Variants in EPDR1 observed in about 807,000 individuals in gnomAD.
EPDR1 encodes the protein mammalian ependymin-related protein 1.
A neutral mutation model predicts 23.7 loss-of-function variants in EPDR1; 27 were observed. The observed-to-expected ratio is 1.14, with a 90% CI of 0.84 to 1.57. The LOEUF (loss-of-function observed/expected upper bound fraction) is 1.57. EPDR1 is among the 40% of genes most tolerant of loss of function. The pLI is 0.00. For missense variants in EPDR1, 349 were observed against 290.4 expected, an observed-to-expected ratio of 1.20 and a Z score of -1.47; for synonymous variants, 137 against 118.2, an observed-to-expected ratio of 1.16 and a Z score of -1.03.
intron 1 of EPDR1, among the ~76,000 whole-genome samples, chr7:37,926,463 G>C (rs1182907730): frequency 3.3e-5 from 3 of 92,226 alleles, no homozygotes; most frequent in Non-Finnish European, 6.0e-5. Context: ...GTTGTTCTTT[G>C]TATGTTCTTC....
In EPDR1 at chr7:37,920,695, G is replaced by T; in HGVS notation, c.-245G>T. Reference sequence around the variant, plus strand: ...CAGCAGGCAGTGGCAGCAGGCAGTGGCCCAGGCAGAAATAGCTCCCGCGCG... The same window carrying T: ...CAGCAGGCAGTGGCAGCAGGCAGTGTCCCAGGCAGAAATAGCTCCCGCGCG... On this transcript the variant is annotated 5_prime_UTR_variant, in exon 1 of 3. Transcript: ENST00000199448. The T allele has an allele frequency of 6.3e-7, 1 of 1,575,698 alleles. No individual in the cohort carries two copies. The highest frequency in any genetic ancestry group is 2.3e-5 in the East Asian group (1 of 43,526).
intron 1 of EPDR1, among the ~76,000 whole-genome samples, chr7:37,932,966 T>C (rs1456982939): frequency 6.6e-6 from 1 of 152,244 alleles, no homozygotes; most frequent in Non-Finnish European, 1.5e-5. Flanking sequence ...ACCTTACAGC[T>C]TCTTAAATGG....
intron 1 of EPDR1, among the ~76,000 whole-genome samples, chr7:37,926,980 T>C (rs1241688122): frequency 6.6e-6 from 1 of 152,202 alleles, no homozygotes; most frequent in Non-Finnish European, 1.5e-5. Flanking sequence ...AGTGGAAGCC[T>C]CTTCAAATTG....
chr7:37,950,467 C>T lies in EPDR1; in HGVS notation c.*71C>T, dbSNP rs1786380447. On this transcript the variant is annotated 3_prime_UTR_variant, in exon 3 of 3. Transcript: ENST00000199448. ...GCCCCAGCTGGAGATGGATATGAGA[C>T]TAGTCAAGATGTGAATGCTAATTGG... is the stretch of plus-strand genomic sequence containing the variant. 7.4e-7 allele frequency: 1 copy of T among 1,345,426 alleles called. No individual in the cohort carries two copies. The highest frequency in any genetic ancestry group is 2.5e-5 in the Admixed American group (1 of 40,536). The allele number at this position is 1,345,426 out of a possible 1,614,324, so 83.3% of individuals were successfully genotyped here.
At position 37,920,800 on chromosome 7, in the gene EPDR1, C is replaced by A; in HGVS notation, c.-140C>A. 3 of 1,610,222 alleles carry A rather than the reference C, an allele frequency of 1.9e-6. No homozygotes were observed. The highest frequency in any genetic ancestry group is 2.5e-6 in the Non-Finnish European group (3 of 1,178,164). On this transcript the variant is annotated 5_prime_UTR_variant, in exon 1 of 3. Transcript: ENST00000199448. ...GGATCTCAAAAGCGGCAGAGGCCACCGAAGGGACAGGAAGCACTTTGGTCC... is the reference window on the plus strand; with the variant it reads ...GGATCTCAAAAGCGGCAGAGGCCACAGAAGGGACAGGAAGCACTTTGGTCC...
In EPDR1 at chr7:37,949,010, C is replaced by G. The variant is rs1188853888; in HGVS notation, c.440C>G (p.Thr147Ser). 1 of 1,614,150 alleles carries G rather than the reference C, an allele frequency of 6.2e-7. No individual in the cohort carries two copies. Among genetic ancestry groups the G allele is most frequent in the Non-Finnish European group, 8.5e-7 (1 of 1,180,018 alleles). The change falls in exon 2 of 3, where the codon ACC (threonine) becomes AGC (serine). Residue 147 changes from threonine (T) to serine (S), a missense_variant. Transcript: ENST00000199448. ...ATCGGGGGGCCTCAGGAGCAGATCA[C>G]CGTCCAGGAGTGGTCGGACAGAAAG... ...YSIGGPQEQI[T>S]VQEWSDRKSA...
intron 1 of EPDR1, among the ~76,000 whole-genome samples, chr7:37,923,123 G>A (rs1785743450): frequency 6.6e-6 from 1 of 152,166 alleles, no homozygotes; most frequent in Non-Finnish European, 1.5e-5. Flanking sequence ...TTTAAACAGT[G>A]GAATTTGTGA....
At chr7:37,943,074 G>C (rs1189803565) in intron 1 of EPDR1, among the ~76,000 whole-genome samples, 1 of 152,194 alleles carries the variant, frequency 6.6e-6, no homozygotes, top group African/African-American at 2.4e-5. Flanking sequence ...CTGAGGCTCA[G>C]CAGCAGCAGG....
Position 37,948,986 on chromosome 7 carries a change from T to C in EPDR1, c.416T>C (p.Ile139Thr), listed in dbSNP as rs145911941. ...TCCACCTTTGAAGACCAGTACTCCA[T>C]CGGGGGGCCTCAGGAGCAGATCACC... Reference protein sequence around the residue: ...QNSTFEDQYSIGGPQEQITVQ... With the variant: ...QNSTFEDQYSTGGPQEQITVQ... Residue 139 changes from isoleucine (I) to threonine (T), a missense_variant, in exon 2 of 3, where the codon ATC becomes ACC. Physicochemically the swap from Ile to Thr is moderately conservative, Grantham distance 89. Transcript: ENST00000199448. 109 of 1,613,932 alleles carry C rather than the reference T, an allele frequency of 6.8e-5. No homozygotes were observed. Among genetic ancestry groups the C allele is most frequent in the East Asian group, 8.9e-5 (4 of 44,892 alleles).
At chr7:37,932,439 G>A (rs1269346827) in intron 1 of EPDR1, among the ~76,000 whole-genome samples, 1 of 152,018 alleles carries the variant, frequency 6.6e-6, no homozygotes, top group Non-Finnish European at 1.5e-5. Flanking sequence ...TTTTTATTTT[G>A]ATAATGATAT....
Position 37,921,176 on chromosome 7 carries a change from G to A in EPDR1, c.237G>A (p.Leu79=). 6.3e-7 allele frequency: 1 copy of A among 1,592,458 alleles called. No individual in the cohort carries two copies. Among genetic ancestry groups the A allele is most frequent in the Non-Finnish European group, 8.5e-7 (1 of 1,177,524 alleles). Residue 79 remains leucine, a synonymous_variant, in exon 1 of 3, where the codon CTG becomes CTA. Transcript: ENST00000199448. ...GGCTCAACCAGCGCGTGCGGGTGCTGGACGAGAGGAAGGCGCTGATCCCCT... is the reference window on the plus strand; with the variant it reads ...GGCTCAACCAGCGCGTGCGGGTGCTAGACGAGAGGAAGGCGCTGATCCCCT... ...YDGLNQRVRV[L]DERKALIPCK... is the part of the protein sequence containing the mutation.
At chr7:37,932,788 T>A (rs75207237) in intron 1 of EPDR1, among the ~76,000 whole-genome samples, 13,021 of 152,280 alleles carry the variant, frequency 0.086, 735 homozygotes, top group Non-Finnish European at 0.12. Context: ...AAACTCAGCC[T>A]GCACTACTGT....
chr7:37,934,193 G>C (rs986395675), intron 1 of EPDR1, among the ~76,000 whole-genome samples: 6 of 152,072 alleles, frequency 3.9e-5, no homozygotes, highest in Admixed American at 2.0e-4. Flanking sequence ...AGCCAGGATG[G>C]TCTCGATCTC....
chr7:37,920,994 C>T lies in EPDR1; in HGVS notation c.55C>T (p.Leu19=), dbSNP rs778705306. 3.9e-5 allele frequency: 60 copies of T among 1,535,426 alleles called. No homozygotes were observed. In the Middle Eastern group the frequency reaches 8.1e-4, roughly 21 times the overall value. The part of the protein sequence containing the change: ...TVPGALGAWL[L]GGLWAWTLCG... ...CCCGGGCGCCCTGGGTGCCTGGCTG[C>T]TGGGCGGCCTCTGGGCCTGGACCCT... Residue 19 remains leucine, a synonymous_variant, in exon 1 of 3, where the codon CTG becomes TTG. Coordinates refer to ENST00000199448, the MANE Select transcript of EPDR1 (RefSeq NM_017549.5).
Position 37,950,653 on chromosome 7 carries a change from C to G in EPDR1, c.*257C>G, listed in dbSNP as rs1786385656. 1 of 445,536 alleles carries G rather than the reference C, an allele frequency of 2.2e-6. No individual in the cohort carries two copies. The highest frequency in any genetic ancestry group is 1.9e-5 in the African/African-American group (1 of 51,586). The allele number at this position is 445,536 out of a possible 1,614,324, so 27.6% of individuals were successfully genotyped here. A position where few individuals can be genotyped will look rare whatever the true frequency, so the allele number is the denominator to read the frequency against. On this transcript the variant is annotated 3_prime_UTR_variant, in exon 3 of 3. Coordinates refer to ENST00000199448, the MANE Select transcript of EPDR1 (RefSeq NM_017549.5). ...TGGACACTTTGGGTATTTCTAATGC[C>G]TGTTCAGGGCTGGTTTTCTGCATGC... is the stretch of plus-strand genomic sequence containing the variant.
At chr7:37,942,320 G>A (rs79487775) in intron 1 of EPDR1, among the ~76,000 whole-genome samples, 5,947 of 152,214 alleles carry the variant, frequency 0.039, 380 homozygotes, top group African/African-American at 0.14. Flanking sequence ...ATGCTACAGC[G>A]CAGATAAACT....
rs530590344 is a variant in EPDR1 at position 37,926,180 on chromosome 7, G to A, written c.269+4972G>A. ...CTTATGTGTTTGGAAAGGAGGATGAGGATTATTTTTCAAATACATAATTTT... is the reference window on the plus strand; with the variant it reads ...CTTATGTGTTTGGAAAGGAGGATGAAGATTATTTTTCAAATACATAATTTT... On this transcript the variant is annotated intron_variant, in intron 1 of 2. Coordinates refer to ENST00000199448, the MANE Select transcript of EPDR1 (RefSeq NM_017549.5). Among the ~76,000 whole-genome samples, 4 of 152,132 alleles carry A rather than the reference G, an allele frequency of 2.6e-5. No homozygotes were observed. In the South Asian group the frequency reaches 8.3e-4, roughly 32 times the overall value.
Position 37,950,345 on chromosome 7 carries a change from C to T in EPDR1, c.624C>T (p.Ser208=), listed in dbSNP as rs1003256783. The T allele has an allele frequency of 3.7e-6, 6 of 1,613,838 alleles. No homozygotes were observed. In the Admixed American group the frequency reaches 1.0e-4, roughly 27 times the overall value. ...IKDPSVFTPP[S]TCQMAQLEKM... ...ACCCCTCGGTGTTTACCCCTCCAAG[C>T]ACGTGCCAGATGGCCCAACTGGAGA... Residue 208 remains serine, a synonymous_variant, in exon 3 of 3, where the codon AGC becomes AGT. Coordinates refer to ENST00000199448, the MANE Select transcript of EPDR1 (RefSeq NM_017549.5).
intron 2 of EPDR1, 120 bp downstream of exon 2, chr7:37,949,168 C>T: frequency 1.1e-6 from 1 of 894,056 alleles, no homozygotes; most frequent in South Asian, 1.7e-5. Context: ...TTTTTAAAGC[C>T]TCCACTTAGG....
Sources: allele counts gnomAD v4.1 joint callset (sites outside exome capture counted in the v4.1 genomes callset), GRCh38; gene constraint gnomAD v4.1.1; transcripts MANE v1.5; gene names NCBI Gene and HGNC (gene_info 2026-07-23, HGNC 2026-07-21).